UST: variants seen among roughly 807,000 people sequenced by gnomAD.
UST encodes chondroitin sulfate 2-O-sulfotransferase.
UST carries 21 observed loss-of-function variants against 45.6 expected under a neutral mutation model. The ratio of observed to expected loss-of-function variants is 0.46; its 90% CI spans 0.33 to 0.66. UST has a LOEUF of 0.66. Ranked by LOEUF, UST falls within the 30% of genes least tolerant of loss-of-function variation. The pLI is 0.02. For missense variants in UST, 463 were observed against 512.4 expected, an observed-to-expected ratio of 0.90 and a Z score of 0.93; for synonymous variants, 215 against 200.6, an observed-to-expected ratio of 1.07 and a Z score of -0.61.
chr6:148,762,298 A>G (rs1776236877), intron 1 of UST, among the ~76,000 whole-genome samples: 2 of 152,184 alleles, frequency 1.3e-5, no homozygotes, highest in African/African-American at 2.4e-5. Flanking sequence ...GTTCAAATGT[A>G]TTTGGAGAAT....
chr6:148,816,087 C>T (rs1777348719), intron 1 of UST, among the ~76,000 whole-genome samples: 1 of 152,212 alleles, frequency 6.6e-6, no homozygotes, highest in Non-Finnish European at 1.5e-5. Context: ...TGTTGGGTGC[C>T]TCAGGATGGG....
intron 3 of UST, 82 bp from the exon 4 acceptor site, chr6:148,953,790 A>T: frequency 1.3e-6 from 1 of 774,786 alleles, no homozygotes; most frequent in Non-Finnish European, 1.9e-6. Context: ...AAAAAAAAAA[A>T]AGAGTGGGAT....
chr6:149,010,913 A>AAAAAAACAAACAAAAAAAAAAAAAC (rs1554234080), intron 5 of UST, among the ~76,000 whole-genome samples: 1 of 92,968 alleles, frequency 1.1e-5, no homozygotes, highest in African/African-American at 4.4e-5. Context: ...AAAAAAAAAA[A>AAAAAAACAAACAAAAAAAAAAAAAC]AAAAAACTGT....
chr6:149,001,994 C>T (rs1387192045), intron 5 of UST, among the ~76,000 whole-genome samples: 2 of 152,062 alleles, frequency 1.3e-5, no homozygotes, highest in Non-Finnish European at 2.9e-5. Flanking sequence ...AATGACTTTT[C>T]CATTTACTTA....
intron 2 of UST, among the ~76,000 whole-genome samples, chr6:148,916,174 G>A (rs1779585390): frequency 6.6e-6 from 1 of 152,068 alleles, no homozygotes; most frequent in African/African-American, 2.4e-5. Flanking sequence ...CACTGTTTTG[G>A]GTAGTTTACA....
chr6:148,922,274 A>G (rs73605005), intron 2 of UST, among the ~76,000 whole-genome samples: 2,261 of 151,906 alleles, frequency 0.015, 59 homozygotes, highest in African/African-American at 0.052. Flanking sequence ...CCAACCCCTG[A>G]CAACCACTAG....
intron 1 of UST, among the ~76,000 whole-genome samples, chr6:148,763,915 G>C (rs1776269994): frequency 6.6e-6 from 1 of 152,132 alleles, no homozygotes; most frequent in African/African-American, 2.4e-5. Context: ...AGTATAATTT[G>C]AATTCAGATA....
chr6:148,822,072 T>C (rs1777477052), intron 1 of UST, among the ~76,000 whole-genome samples: 1 of 152,036 alleles, frequency 6.6e-6, no homozygotes, highest in Non-Finnish European at 1.5e-5. Context: ...GGCTGTCTGG[T>C]TTTTTTTAGT....
At position 148,875,168 on chromosome 6, in the gene UST, G is replaced by A. The variant is rs1582869114; in HGVS notation, c.248-11818G>A. 2.6e-5 allele frequency among the ~76,000 whole-genome samples: 4 copies of A among 152,346 alleles called. No individual in the cohort carries two copies. In the South Asian group the frequency reaches 6.2e-4, roughly 24 times the overall value. ...CACGGCAGCTTCTTTGACATTGACA[G>A]TAATGCATGTTATAGTTTCCATAAG... On this transcript the variant is annotated intron_variant, in intron 1 of 7. Coordinates refer to ENST00000367463, the MANE Select transcript of UST (RefSeq NM_005715.3).
chr6:148,906,101 G>A (rs1562295785), intron 2 of UST, among the ~76,000 whole-genome samples: 1 of 152,188 alleles, frequency 6.6e-6, no homozygotes, highest in Admixed American at 6.5e-5. Flanking sequence ...GCCCCATCCA[G>A]CATGATTCCA....
At chr6:148,913,538 G>A (rs1400094598) in intron 2 of UST, among the ~76,000 whole-genome samples, 1 of 138,544 alleles carries the variant, frequency 7.2e-6, no homozygotes, top group African/African-American at 2.7e-5. Flanking sequence ...AGTAATGAAT[G>A]TCCCTAAATG....
rs899844734 is a variant in UST, at chr6:148,870,100, T to A, written c.248-16886T>A. On this transcript the variant is annotated intron_variant, in intron 1 of 7. Transcript: ENST00000367463. ...CTTTCCCCCAGCTTCACAGTGGTAA[T>A]GTTTCACACACACACACACACACAC... is the stretch of plus-strand genomic sequence containing the variant. 4.7e-5 allele frequency among the ~76,000 whole-genome samples: 4 copies of A among 85,338 alleles called. No individual in the cohort carries two copies. The East Asian group carries it at 8.0e-4, about 17-fold the overall frequency. 56.0% of individuals were successfully genotyped at this position (85,338 alleles called of 152,430 possible).
intron 5 of UST, chr6:148,964,790 C>G: frequency 1.7e-6 from 1 of 582,952 alleles, no homozygotes; most frequent in South Asian, 2.2e-5. Flanking sequence ...TTTTGCTTTG[C>G]TCAGTTGTCT....
At chr6:148,902,686 T>C (rs370077552) in intron 2 of UST, among the ~76,000 whole-genome samples, 8 of 152,288 alleles carry the variant, frequency 5.3e-5, no homozygotes, top group East Asian at 1.9e-4. Flanking sequence ...TTTCTTCCTC[T>C]ACATTTTCAT....
At chr6:149,073,715 G>A in intron 7 of UST, 118 bp from the exon 8 acceptor site, 2 of 1,154,512 alleles carry the variant, frequency 1.7e-6, no homozygotes, top group Non-Finnish European at 2.4e-6. Flanking sequence ...CTAATACTTG[G>A]ATATGCAGTT....
At chr6:148,931,381 T>C (rs1400221623) in intron 2 of UST, among the ~76,000 whole-genome samples, 1 of 152,202 alleles carries the variant, frequency 6.6e-6, no homozygotes, top group Admixed American at 6.5e-5. Flanking sequence ...ATTTGGAGAT[T>C]TGTGTGATTA....
intron 6 of UST, 73 bp from the exon 7 acceptor site, chr6:149,021,251 G>A: frequency 6.7e-7 from 1 of 1,489,244 alleles, no homozygotes. Context: ...AGGTAGAGGG[G>A]GTAAACTCTC....
At chr6:148,805,525 A>G (rs557168799) in intron 1 of UST, among the ~76,000 whole-genome samples, 2 of 152,214 alleles carry the variant, frequency 1.3e-5, no homozygotes, top group Non-Finnish European at 2.9e-5. Flanking sequence ...AAAACTCAGT[A>G]TCGTAAAAGG....
At chr6:149,049,962 C>CACACACACAG (rs574284527) in intron 7 of UST, among the ~76,000 whole-genome samples, 55 of 147,090 alleles carry the variant, frequency 3.7e-4, no homozygotes, top group Middle Eastern at 3.5e-3. Flanking sequence ...CACACACACA[C>CACACACACAG]ACACGTGGCC....
Sources: allele counts gnomAD v4.1 joint callset (sites outside exome capture counted in the v4.1 genomes callset), GRCh38; gene constraint gnomAD v4.1.1; transcripts MANE v1.5; gene names NCBI Gene and HGNC (gene_info 2026-07-23, HGNC 2026-07-21).